The following MEGF11 variants were observed in gnomAD, a reference collection of about 807,000 sequenced individuals.
MEGF11 encodes the protein multiple epidermal growth factor-like domains protein 11.
A neutral mutation model predicts 146.6 loss-of-function variants in MEGF11; 126 were observed. That is an observed-to-expected ratio of 0.86 (90% confidence interval 0.74 to 1.00). The LOEUF (loss-of-function observed/expected upper bound fraction) is 1.00. MEGF11 is among the 50% of genes least tolerant of loss of function. MEGF11 has a pLI of 0.00. For missense variants in MEGF11, 1,509 were observed against 1,521.2 expected (o/e 0.99, Z 0.13); for synonymous variants, 532 against 583.4 (o/e 0.91, Z 1.27).
At chr15:65,992,448 T>TGTGTGTG (rs2082075586) in intron 5 of MEGF11, among the ~76,000 whole-genome samples, 1 of 28,248 alleles carries the variant, frequency 3.5e-5, no homozygotes, top group African/African-American at 8.7e-5. Flanking sequence ...TGTGTGTGTG[T>TGTGTGTG]GTGGGGGGGG....
At chr15:65,901,063 A>G (rs1422156569) in intron 24 of MEGF11, among the ~76,000 whole-genome samples, 3 of 152,222 alleles carry the variant, frequency 2.0e-5, no homozygotes, top group African/African-American at 7.2e-5. Context: ...CCATGTGCAC[A>G]GGTGACTTCA....
intron 5 of MEGF11, among the ~76,000 whole-genome samples, chr15:66,026,437 T>C (rs1216546279): frequency 1.3e-5 from 2 of 152,210 alleles, no homozygotes; most frequent in African/African-American, 2.4e-5. Context: ...GCACCCCTAA[T>C]TGAGGCAGTG....
intron 4 of MEGF11, among the ~76,000 whole-genome samples, chr15:66,114,793 A>G (rs28413636): frequency 0.092 from 13,913 of 151,838 alleles, 744 homozygotes; most frequent in African/African-American, 0.13. Context: ...GGTGGGTGGG[A>G]ACCTCTGGTA....
intron 1 of MEGF11, among the ~76,000 whole-genome samples, chr15:66,178,210 T>A (rs568032083): frequency 1.1e-4 from 16 of 151,554 alleles, no homozygotes; most frequent in African/African-American, 3.6e-4. Flanking sequence ...GGTCTTGAAC[T>A]CCTGGGCTCA....
intron 5 of MEGF11, among the ~76,000 whole-genome samples, chr15:65,984,203 T>A (rs1195535387): frequency 6.6e-6 from 1 of 152,162 alleles, no homozygotes; most frequent in Non-Finnish European, 1.5e-5. Context: ...TAAATCCATT[T>A]ATGCTACAGC....
chr15:66,025,416 T>G (rs1435371266), intron 5 of MEGF11, among the ~76,000 whole-genome samples: 1 of 152,014 alleles, frequency 6.6e-6, no homozygotes, highest in Non-Finnish European at 1.5e-5. Flanking sequence ...GGAGAGGGGC[T>G]GGGCTGGAGA....
chr15:66,041,463 G>A (rs544650873), intron 5 of MEGF11, among the ~76,000 whole-genome samples: 9 of 152,330 alleles, frequency 5.9e-5, no homozygotes, highest in African/African-American at 2.2e-4. Flanking sequence ...CACAACAACT[G>A]CCCCCATGCA....
Position 65,930,880 on chromosome 15 carries a change from T to G in MEGF11, c.1351A>C (p.Ser451Arg), listed in dbSNP as rs776352598. ...GAGCAGGTGCCACCATTGTTACAGC[T>G]ACAGATGGACGAGCAGTTGGGGCCA... is the stretch of plus-strand genomic sequence containing the variant. ...TYGPNCSSIC[S>R]CNNGGTCSPV... is the part of the protein sequence containing the mutation. Residue 451 changes from serine (S) to arginine (R), a missense_variant, in exon 11 of 26, where the codon AGC becomes CGC. By Grantham distance (110) the Ser-to-Arg change is moderately radical. Transcript: ENST00000395614. The G allele has an allele frequency of 4.2e-5, 68 of 1,611,630 alleles. No individual in the cohort carries two copies. Among genetic ancestry groups the G allele is most frequent in the Non-Finnish European group, 5.3e-5 (63 of 1,178,800 alleles).
At chr15:66,178,021 T>C (rs572526643) in intron 1 of MEGF11, among the ~76,000 whole-genome samples, 10 of 152,136 alleles carry the variant, frequency 6.6e-5, no homozygotes, top group Admixed American at 3.9e-4. Flanking sequence ...TCTCACTCTA[T>C]TGCCCAGGCT....
intron 1 of MEGF11, among the ~76,000 whole-genome samples, chr15:66,192,795 T>C (rs1340106997): frequency 1.3e-5 from 2 of 152,232 alleles, no homozygotes; most frequent in East Asian, 3.8e-4. Flanking sequence ...CATCAGCTAA[T>C]AGGTAGGATC....
chr15:65,960,826 A>G (rs2080832342), intron 9 of MEGF11, among the ~76,000 whole-genome samples: 1 of 152,232 alleles, frequency 6.6e-6, no homozygotes, highest in Non-Finnish European at 1.5e-5. Flanking sequence ...TGCTGACCTA[A>G]GTACTCTTTG....
chr15:66,080,558 C>T (rs113545097), intron 5 of MEGF11, among the ~76,000 whole-genome samples: 113 of 152,324 alleles, frequency 7.4e-4, no homozygotes, highest in African/African-American at 2.5e-3. Context: ...CTCTGAACCC[C>T]CCATTTGGTC....
At chr15:66,084,914 C>T (rs78565784) in intron 5 of MEGF11, among the ~76,000 whole-genome samples, 14,468 of 152,184 alleles carry the variant, frequency 0.095, 983 homozygotes, top group South Asian at 0.2. Context: ...TTTTCAAGCC[C>T]ATTTTGCCCT....
intron 1 of MEGF11, among the ~76,000 whole-genome samples, chr15:66,223,232 C>G (rs1282949362): frequency 1.3e-5 from 2 of 152,116 alleles, no homozygotes; most frequent in Non-Finnish European, 2.9e-5. Flanking sequence ...TGAAAGAAAT[C>G]AGTCACAAAA....
intron 5 of MEGF11, among the ~76,000 whole-genome samples, chr15:66,044,935 T>C (rs1204044659): frequency 6.6e-6 from 1 of 150,876 alleles, no homozygotes; most frequent in African/African-American, 2.4e-5. Context: ...ACCATAAGGC[T>C]TGTGTCCACA....
At chr15:66,097,283 G>A (rs987062077) in intron 4 of MEGF11, among the ~76,000 whole-genome samples, 3 of 152,258 alleles carry the variant, frequency 2.0e-5, no homozygotes, top group East Asian at 3.9e-4. Context: ...GGGGTGCTGC[G>A]GGGAGAGTCT....
chr15:66,160,664 GACACACACACACACACACAC>G (rs3221608), intron 1 of MEGF11, among the ~76,000 whole-genome samples: 1 of 137,540 alleles, frequency 7.3e-6, no homozygotes, highest in African/African-American at 2.9e-5. Flanking sequence ...GCCCTAAGGG[GACACACACACACACACACAC>G]ACACACACAC....
chr15:65,952,615 T>G (rs1179636162), intron 10 of MEGF11, among the ~76,000 whole-genome samples: 3 of 152,188 alleles, frequency 2.0e-5, no homozygotes, highest in Non-Finnish European at 2.9e-5. Context: ...AGAGTAGCCT[T>G]GAATCCCTGG....
intron 1 of MEGF11, among the ~76,000 whole-genome samples, chr15:66,223,234 G>A (rs2091776690): frequency 6.6e-6 from 1 of 152,184 alleles, no homozygotes; most frequent in Non-Finnish European, 1.5e-5. Context: ...AAAGAAATCA[G>A]TCACAAAAGA....
Sources: allele counts gnomAD v4.1 joint callset (sites outside exome capture counted in the v4.1 genomes callset), GRCh38; gene constraint gnomAD v4.1.1; transcripts MANE v1.5; gene names NCBI Gene and HGNC (gene_info 2026-07-23, HGNC 2026-07-21).